SAP30BP: variants seen among roughly 807,000 people sequenced by gnomAD.
SAP30BP encodes the protein SAP30 binding protein.
Under a neutral mutation model 46.3 loss-of-function variants are expected in SAP30BP, and 31 were observed. That is an observed-to-expected ratio of 0.67 (90% CI 0.50 to 0.90). SAP30BP has a LOEUF of 0.90. Ranked by LOEUF, SAP30BP falls within the 40% of genes least tolerant of loss-of-function variation. SAP30BP has a pLI of 0.00. For synonymous variants in SAP30BP, 169 were observed against 144.2 expected, an observed-to-expected ratio of 1.17 and a Z score of -1.23; for missense variants, 312 against 391.0, an observed-to-expected ratio of 0.80 and a Z score of 1.70.
In SAP30BP at chr17:75,687,947, TGTGTGTGTGA is replaced by T. The variant is rs1324343719; in HGVS notation, c.265-5491_265-5482del. ...GTGTGTGTGTGTGTGTGTGTGTGTG[TGTGTGTGTGA>T]GAGAGACAGAGAGAGGTCAGTGCTT... is the stretch of plus-strand genomic sequence containing the variant. On this transcript the variant is annotated intron_variant, in intron 3 of 10. Coordinates refer to ENST00000584667, the MANE Select transcript of SAP30BP (RefSeq NM_013260.8). Among the ~76,000 whole-genome samples, 524 of 98,338 alleles carry T rather than the reference TGTGTGTGTGA, an allele frequency of 5.3e-3. 7 individuals are homozygous for T. The highest frequency in any genetic ancestry group is 0.015 in the African/African-American group (453 of 30,400). The allele number at this position is 98,338 out of a possible 152,430, so 64.5% of individuals were successfully genotyped here. A position where few individuals can be genotyped will look rare whatever the true frequency, so the allele number is the denominator to read the frequency against.
At chr17:75,672,721 CTGAGGCGGGAGGATCACT>C (rs2059925386) in intron 3 of SAP30BP, among the ~76,000 whole-genome samples, 1 of 152,170 alleles carries the variant, frequency 6.6e-6, no homozygotes, top group Non-Finnish European at 1.5e-5. Context: ...CTTTGGGAGG[CTGAGGCGGGAGGATCACT>C]TGAGGTCAGG....
chr17:75,703,963 A>G (rs2060455279), intron 8 of SAP30BP, 104 bp downstream of exon 8: 7 of 867,402 alleles, frequency 8.1e-6, no homozygotes, highest in Middle Eastern at 2.2e-4. Context: ...GGTCTACTCT[A>G]TGTCAGGCCA....
At chr17:75,693,310 G>C in intron 3 of SAP30BP, 130 bp from the exon 4 acceptor site, 10 of 737,964 alleles carry the variant, frequency 1.4e-5, no homozygotes, top group Non-Finnish European at 1.9e-5. Flanking sequence ...TGAAGCATCA[G>C]CTTACCCTTA....
intron 3 of SAP30BP, chr17:75,683,924 A>AT (rs2063927700): frequency 6.6e-6 from 1 of 152,184 alleles, no homozygotes; most frequent in Non-Finnish European, 1.5e-5. Context: ...AAAGATAATA[A>AT]TTCTGGCTGT....
At chr17:75,687,919 T>G (rs1542098) in intron 3 of SAP30BP, among the ~76,000 whole-genome samples, 13,365 of 92,486 alleles carry the variant, frequency 0.14, 740 homozygotes, top group East Asian at 0.37. Flanking sequence ...GTGTTTGGGG[T>G]GTGTGTGTGT....
chr17:75,692,861 GT>G (rs1371275350), intron 3 of SAP30BP: 1 of 152,218 alleles, frequency 6.6e-6, no homozygotes, highest in Non-Finnish European at 1.5e-5. Context: ...CTTATTAAAG[GT>G]TTGCTGCATG....
intron 2 of SAP30BP, 112 bp downstream of exon 2, chr17:75,668,737 CGTTTT>C (rs1291809157): frequency 2.1e-5 from 14 of 681,220 alleles, no homozygotes; most frequent in Middle Eastern, 5.1e-4. Flanking sequence ...CTTGCTCTCC[CGTTTT>C]GTTTTAGTAT....
Position 75,690,133 on chromosome 17 carries a change from T to A in SAP30BP, c.265-3307T>A, listed in dbSNP as rs190335633. Among the ~76,000 whole-genome samples the A allele has an allele frequency of 1.7e-3, 257 of 152,342 alleles. 1 individual carries two copies. Among genetic ancestry groups the A allele is most frequent in the Admixed American group, 4.0e-3 (61 of 15,308 alleles). ...AAATCTAAAATAAAATACTTTTTTT[T>A]AAATTATAAAATAAATCGTTCATCA... On this transcript the variant is annotated intron_variant, in intron 3 of 10. Coordinates refer to ENST00000584667, the MANE Select transcript of SAP30BP (RefSeq NM_013260.8).
chr17:75,697,698 A>G (rs781588970), intron 4 of SAP30BP, among the ~76,000 whole-genome samples: 15 of 152,224 alleles, frequency 9.9e-5, no homozygotes, highest in Non-Finnish European at 1.9e-4. Context: ...GGATGGCCCC[A>G]GGCTCGACTC....
Position 75,669,334 on chromosome 17 carries a change from C to T in SAP30BP, c.216+709C>T, listed in dbSNP as rs757505778. Among the ~76,000 whole-genome samples the T allele has an allele frequency of 3.3e-5, 5 of 152,264 alleles. No individual in the cohort carries two copies. The East Asian group carries it at 5.8e-4, about 18-fold the overall frequency. ...TCTCTGCTCACTGCAACCTCCACCT[C>T]CCAGGTTCAAGCAATTCTCCTGCCC... On this transcript the variant is annotated intron_variant, in intron 2 of 10. Transcript: ENST00000584667.
intron 9 of SAP30BP, chr17:75,705,089 G>A: frequency 2.3e-6 from 1 of 438,952 alleles, no homozygotes; most frequent in South Asian, 2.2e-5. Context: ...TGTCCGTTTT[G>A]GGTCATGGGG....
chr17:75,683,687 C>T (rs2060117967), intron 3 of SAP30BP: 1 of 152,166 alleles, frequency 6.6e-6, no homozygotes, highest in South Asian at 2.1e-4. Context: ...TATTGGAAGT[C>T]CACATGGTTG....
chr17:75,675,458 G>GT (rs1031858322), intron 3 of SAP30BP, among the ~76,000 whole-genome samples: 1 of 152,026 alleles, frequency 6.6e-6, no homozygotes, highest in Non-Finnish European at 1.5e-5. Flanking sequence ...CTCTACTATG[G>GT]TTTTTTAAGA....
intron 3 of SAP30BP, among the ~76,000 whole-genome samples, chr17:75,678,470 A>ACG (rs1485683685): frequency 6.6e-6 from 1 of 151,370 alleles, no homozygotes; most frequent in Non-Finnish European, 1.5e-5. Flanking sequence ...TAAAACACAC[A>ACG]CACACACACA....
Position 75,706,833 on chromosome 17 carries a change from A to G in SAP30BP, c.*312A>G, listed in dbSNP as rs1461398124. Reference sequence around the variant, plus strand: ...AAATGCTTCAGCTCACATGTCCCCCAAGACTCAATAGTCTTGGTTGGGACT... The same window carrying G: ...AAATGCTTCAGCTCACATGTCCCCCGAGACTCAATAGTCTTGGTTGGGACT... On this transcript the variant is annotated 3_prime_UTR_variant, in exon 11 of 11. Coordinates refer to ENST00000584667, the MANE Select transcript of SAP30BP (RefSeq NM_013260.8). The surrounding 1 kb of genome is among the most constrained non-coding windows in gnomAD (Gnocchi z 4.6). 2.6e-6 allele frequency: 1 copy of G among 387,680 alleles called. No individual in the cohort carries two copies. Among genetic ancestry groups the G allele is most frequent in the East Asian group, 5.0e-5 (1 of 20,110 alleles). 24.0% of individuals were successfully genotyped at this position (387,680 alleles called of 1,614,324 possible).
intron 2 of SAP30BP, among the ~76,000 whole-genome samples, chr17:75,670,253 C>T (rs948298317): frequency 3.1e-4 from 47 of 151,664 alleles, no homozygotes; most frequent in African/African-American, 9.9e-4. Context: ...ACCCGGGAGG[C>T]GGAGGTTGCA....
At chr17:75,704,392 ATG>A (rs906945385) in intron 8 of SAP30BP, among the ~76,000 whole-genome samples, 5 of 152,244 alleles carry the variant, frequency 3.3e-5, no homozygotes, top group African/African-American at 7.2e-5. Context: ...TTTGGCCTTC[ATG>A]AATTTTGTCA....
At chr17:75,700,112 G>T in intron 5 of SAP30BP, 1 of 330,020 alleles carries the variant, frequency 3.0e-6, no homozygotes, top group Non-Finnish European at 5.6e-6. Flanking sequence ...GCCCTGTCTT[G>T]CCTTCAGTGA....
intron 3 of SAP30BP, chr17:75,672,089 C>T: frequency 1.9e-6 from 1 of 539,354 alleles, no homozygotes; most frequent in Non-Finnish European, 3.4e-6. Flanking sequence ...TGTGCCATAT[C>T]TCCTGACTAG....
Sources: gnomAD v4.1 joint callset for allele counts (sites outside exome capture counted in the v4.1 genomes callset) on GRCh38, gnomAD v4.1.1 for gene constraint, Gnocchi (gnomAD v3.1) non-coding constraint, MANE v1.5 for transcripts, NCBI Gene and HGNC (gene_info 2026-07-23, HGNC 2026-07-21) for gene names.